ANK2: variants seen among roughly 807,000 people sequenced by gnomAD.
ANK2 encodes ankyrin 2, also known as ankyrin-2.
ANK2 carries 83 observed loss-of-function variants against 360.5 expected under a neutral mutation model. That is an observed-to-expected ratio of 0.23 (90% CI 0.19 to 0.28). ANK2 has a LOEUF of 0.28. ANK2 is among the 10% of genes least tolerant of loss of function. The pLI, the probability that ANK2 is intolerant of heterozygous loss-of-function variation, is 1.00. For synonymous variants in ANK2, 1,740 were observed against 1,759.5 expected (o/e 0.99, Z 0.28); for missense variants, 4,201 against 4,795.7 (o/e 0.88, Z 3.66).
chr4:112,958,283 T>C (rs377738092), intron 2 of ANK2, among the ~76,000 whole-genome samples: 17 of 151,846 alleles, frequency 1.1e-4, no homozygotes, highest in East Asian at 9.7e-4. Flanking sequence ...GATCACGCCA[T>C]TGCACTCCAG....
chr4:113,287,691 T>A lies in ANK2; in HGVS notation c.2166T>A (p.Asp722Glu), dbSNP rs770403560. Residue 722 changes from aspartate to glutamate, a missense_variant, in exon 19 of 46, where the codon GAT (aspartate) becomes GAA (glutamate). By Grantham distance (45) the Asp-to-Glu change is conservative (BLOSUM62 2). Around this residue, in one of 4 missense-constraint regions of ANK2, gnomAD observed 1,268 missense variants for 1,650.8 expected, o/e 0.77. Coordinates refer to ENST00000357077, the MANE Select transcript of ANK2 (RefSeq NM_001148.6). ...TCACCAAGCATGGAGCTGATCAGGA[T>A]GCTCATACAAAGGTAAAGCAAATCA... ...DILTKHGADQ[D>E]AHTKLGYTPL... 2 of 1,610,478 alleles carry A rather than the reference T, an allele frequency of 1.2e-6. No homozygotes were observed. Among genetic ancestry groups the A allele is most frequent in the Non-Finnish European group, 1.7e-6 (2 of 1,176,904 alleles).
chr4:113,311,501 G>C, intron 24 of ANK2, 102 bp downstream of exon 24: 1 of 1,408,326 alleles, frequency 7.1e-7, no homozygotes, highest in Non-Finnish European at 9.8e-7. Flanking sequence ...CATTTAATAG[G>C]TACCTTATTA....
chr4:112,964,724 C>T (rs1242400687), intron 2 of ANK2, among the ~76,000 whole-genome samples: 1 of 151,998 alleles, frequency 6.6e-6, no homozygotes, highest in African/African-American at 2.4e-5. Context: ...CGCCCGCCAC[C>T]ACGCCTGGCT....
the ANK2 span, among the ~76,000 whole-genome samples, chr4:112,745,846 C>A: frequency 6.6e-6 from 1 of 152,040 alleles, no homozygotes; most frequent in Non-Finnish European, 1.5e-5. Flanking sequence ...ATTACTAGAT[C>A]TTATTCATTC....
intron 2 of ANK2, among the ~76,000 whole-genome samples, chr4:112,937,121 T>G (rs2093808172): frequency 6.6e-6 from 1 of 151,964 alleles, no homozygotes; most frequent in Non-Finnish European, 1.5e-5. Flanking sequence ...CTTTTAAAAT[T>G]TTTGTCCAAC....
At chr4:113,098,124 T>C (rs1029931732) in intron 1 of ANK2, among the ~76,000 whole-genome samples, 4 of 151,356 alleles carry the variant, frequency 2.6e-5, no homozygotes, top group Non-Finnish European at 4.4e-5. Context: ...AAGATTAAAA[T>C]CCATCAATCT....
intron 1 of ANK2, among the ~76,000 whole-genome samples, chr4:113,159,451 G>A (rs2097431171): frequency 6.6e-6 from 1 of 152,046 alleles, no homozygotes; most frequent in African/African-American, 2.4e-5. Context: ...AGGGGATACT[G>A]AAATATATTA....
At chr4:112,742,949 T>C in the ANK2 span, among the ~76,000 whole-genome samples, 96,952 of 151,976 alleles carry the variant, frequency 0.64, 32,520 homozygotes, top group East Asian at 0.92. Flanking sequence ...TGGTCTCGAC[T>C]GGCCTCTCAT....
chr4:113,156,165 T>G (rs1197723760), intron 1 of ANK2, among the ~76,000 whole-genome samples: 1 of 152,168 alleles, frequency 6.6e-6, no homozygotes, highest in Non-Finnish European at 1.5e-5. Flanking sequence ...GCACCAGTTC[T>G]GTACAAATGT....
At chr4:113,237,353 A>T (rs576092957) in intron 6 of ANK2, among the ~76,000 whole-genome samples, 181 bp downstream of exon 6, 1 of 152,214 alleles carries the variant, frequency 6.6e-6, no homozygotes, top group African/African-American at 2.4e-5. Flanking sequence ...TAAATGCAAG[A>T]TAATTTTCTT....
In ANK2 at chr4:112,828,632, C is replaced by A. The variant is rs115472457; in HGVS notation, c.-40+10368C>A. Among the ~76,000 whole-genome samples, 116 of 152,284 alleles carry A rather than the reference C, an allele frequency of 7.6e-4. 1 individual carries two copies. The highest frequency in any genetic ancestry group is 2.7e-3 in the African/African-American group (111 of 41,570). ...ACAGGCTCTGGCAAAGATGTCATGACAAAGATTCCAAAAGCAATTGCAACA... is the reference window on the plus strand; with the variant it reads ...ACAGGCTCTGGCAAAGATGTCATGAAAAAGATTCCAAAAGCAATTGCAACA... On this transcript the variant is annotated intron_variant, in intron 1 of 30. Coordinates refer to the ANK2 transcript ENST00000503271.
At chr4:112,932,491 CAAAA>C (rs750709290) in intron 2 of ANK2, among the ~76,000 whole-genome samples, 1 of 54,614 alleles carries the variant, frequency 1.8e-5, no homozygotes, top group East Asian at 5.5e-4. Flanking sequence ...GACTCCGTCT[CAAAA>C]AAAAAAAAAA....
intron 1 of ANK2, among the ~76,000 whole-genome samples, chr4:113,128,558 C>T (rs540780534): frequency 3.0e-4 from 46 of 152,278 alleles, no homozygotes; most frequent in South Asian, 2.3e-3. Flanking sequence ...GGCGCGATCT[C>T]GGCTCACTGC....
At chr4:113,285,620 C>T (rs894718699) in intron 18 of ANK2, among the ~76,000 whole-genome samples, 1 of 151,998 alleles carries the variant, frequency 6.6e-6, no homozygotes, top group Non-Finnish European at 1.5e-5. Context: ...GGGTGCACCA[C>T]CCTCCACAAG....
chr4:113,151,980 C>T (rs1184501812), intron 1 of ANK2, among the ~76,000 whole-genome samples: 1 of 142,384 alleles, frequency 7.0e-6, no homozygotes, highest in Non-Finnish European at 1.5e-5. Context: ...GTGGGAGGAT[C>T]ACTTGAGCCT....
chr4:112,891,524 T>C (rs1211701446), intron 1 of ANK2, among the ~76,000 whole-genome samples: 1 of 152,168 alleles, frequency 6.6e-6, no homozygotes, highest in Non-Finnish European at 1.5e-5. Context: ...ATGCCCTCAT[T>C]ATTTAAAAAG....
In ANK2 at chr4:113,356,446, G is replaced by T. The variant is rs767768290; in HGVS notation, c.7828G>T (p.Asp2610Tyr). The T allele has an allele frequency of 6.8e-6, 11 of 1,613,922 alleles. No individual in the cohort carries two copies. The highest frequency in any genetic ancestry group is 9.3e-6 in the Non-Finnish European group (11 of 1,179,976). ...ELEQEAKQKR[D>Y]YKKEPKQEES... ...TGAACAAGAAGCAAAGCAGAAAAGG[G>T]ACTACAAAAAAGAACCCAAACAAGA... The change falls in exon 38 of 46, where the codon GAC becomes TAC. Residue 2610 changes from aspartate (D) to tyrosine (Y), a missense_variant. By Grantham distance (160) the Asp-to-Tyr change is radical. Transcript: ENST00000357077.
intron 45 of ANK2, chr4:113,373,763 T>C (rs2096828512): frequency 2.0e-6 from 1 of 491,146 alleles, no homozygotes; most frequent in Admixed American, 2.4e-5. Flanking sequence ...TTCTATTTGC[T>C]GGGCAAGCAG....
the ANK2 span, among the ~76,000 whole-genome samples, chr4:112,769,893 G>C: frequency 6.6e-6 from 1 of 152,220 alleles, no homozygotes; most frequent in Non-Finnish European, 1.5e-5. Flanking sequence ...ATTTACCCCA[G>C]TGGCACCCCT....
Sources: allele counts gnomAD v4.1 joint callset (sites outside exome capture counted in the v4.1 genomes callset), GRCh38; gene constraint gnomAD v4.1.1; regional missense constraint gnomAD v4.1.1; transcripts MANE v1.5; gene names NCBI Gene and HGNC (gene_info 2026-07-23, HGNC 2026-07-21).